Variants in SCARB1 observed in about 807,000 individuals in gnomAD.
The protein encoded by SCARB1 is scavenger receptor class B member 1, also known as CD36 and LIMPII analogous 1.
A neutral mutation model predicts 57.2 loss-of-function variants in SCARB1; 30 were observed. The ratio of observed to expected loss-of-function variants is 0.52; its 90% CI spans 0.39 to 0.71. The LOEUF (loss-of-function observed/expected upper bound fraction) is 0.71, where lower values mean the gene tolerates loss of function less well. Ranked by LOEUF, SCARB1 falls within the 30% of genes least tolerant of loss-of-function variation. The pLI, the probability that SCARB1 is intolerant of heterozygous loss-of-function variation, is 0.00. For missense variants in SCARB1, 543 were observed against 671.2 expected (o/e 0.81, Z 2.11); for synonymous variants, 249 against 268.3 (o/e 0.93, Z 0.70).
In SCARB1 at chr12:124,803,736, T is replaced by G. The variant is rs1950224979; in HGVS notation, c.1010-3494A>C. The stretch of plus-strand genomic sequence containing the variant: ...AAAAATTGAAATAAGATAAAATAAA[T>G]TAGCCAGGTATGGTGGTGTGTACCT... On this transcript the variant is annotated intron_variant, in intron 7 of 12. Coordinates refer to ENST00000261693, the MANE Select transcript of SCARB1 (RefSeq NM_005505.5). Among the ~76,000 whole-genome samples the G allele has an allele frequency of 2.2e-5, 3 of 136,724 alleles. No individual in the cohort carries two copies. In the South Asian group the frequency reaches 7.2e-4, roughly 33 times the overall value. The allele number at this position is 136,724 out of a possible 152,430, so 89.7% of individuals were successfully genotyped here.
At position 124,863,451 on chromosome 12, in the gene SCARB1, G is replaced by A. The variant is rs138913661; in HGVS notation, c.126+144C>T. The A allele has an allele frequency of 2.2e-3, 1,695 of 770,176 alleles. 3 individuals are homozygous for A. The highest frequency in any genetic ancestry group is 2.8e-3 in the Non-Finnish European group (1,415 of 505,720). The allele number at this position is 770,176 out of a possible 1,614,324, so 47.7% of individuals were successfully genotyped here. ...GGCAGCAGCCCCTCCCGAAGCGCCT[G>A]GCCTCCCTCGTGCTCTGCGGCGCCA... On this transcript the variant is annotated intron_variant, in intron 1 of 12. Coordinates refer to ENST00000261693, the MANE Select transcript of SCARB1 (RefSeq NM_005505.5).
intron 1 of SCARB1, among the ~76,000 whole-genome samples, chr12:124,860,578 T>G (rs576591115): frequency 8.5e-5 from 13 of 152,370 alleles, no homozygotes; most frequent in African/African-American, 3.1e-4. Flanking sequence ...CCATACCTTG[T>G]GGGTGGATGC....
Position 124,807,982 on chromosome 12 carries a change from G to C in SCARB1, c.843-55C>G. On this transcript the variant is annotated intron_variant, in intron 6 of 12. Coordinates refer to ENST00000261693, the MANE Select transcript of SCARB1 (RefSeq NM_005505.5). The surrounding 1 kb of genome is among the most constrained non-coding windows in gnomAD (Gnocchi z 5.3). ...CACCCAGACCCGGCGGCCAGAGCCAGGCCCTGCCAAAGGCTGCCCAGATCC... is the reference window on the plus strand; with the variant it reads ...CACCCAGACCCGGCGGCCAGAGCCACGCCCTGCCAAAGGCTGCCCAGATCC... 1.3e-6 allele frequency: 2 copies of C among 1,583,330 alleles called. No individual in the cohort carries two copies. The highest frequency in any genetic ancestry group is 3.3e-5 in the Admixed American group (2 of 59,836).
chr12:124,820,373 A>G (rs1015070058), intron 1 of SCARB1, among the ~76,000 whole-genome samples: 1 of 152,142 alleles, frequency 6.6e-6, no homozygotes, highest in Admixed American at 6.5e-5. Flanking sequence ...GAGGGCACTG[A>G]GGAGTCCGGG....
chr12:124,856,461 A>G (rs1952633982), intron 1 of SCARB1, among the ~76,000 whole-genome samples: 1 of 152,276 alleles, frequency 6.6e-6, no homozygotes, highest in Admixed American at 6.5e-5. Context: ...TACCAGGAGC[A>G]AATAAACTAG....
intron 2 of SCARB1, among the ~76,000 whole-genome samples, chr12:124,816,126 T>G (rs897715): frequency 0.98 from 148,820 of 152,260 alleles, 72,780 homozygotes; most frequent in Non-Finnish European, 1. Flanking sequence ...CCTTTGCAGA[T>G]GTGCTCCCGA....
At chr12:124,857,739 G>A (rs930702459) in intron 1 of SCARB1, among the ~76,000 whole-genome samples, 11 of 152,218 alleles carry the variant, frequency 7.2e-5, no homozygotes, top group Non-Finnish European at 1.3e-4. Context: ...AGGAGGTGCC[G>A]TTTATTGAGA....
At chr12:124,793,465 G>A (rs928451379) in intron 9 of SCARB1, among the ~76,000 whole-genome samples, 1 of 151,600 alleles carries the variant, frequency 6.6e-6, no homozygotes, top group Non-Finnish European at 1.5e-5. Flanking sequence ...AGCCCGAGGC[G>A]GGCGGATCAC....
rs535235491 is a variant in SCARB1 at position 124,792,767 on chromosome 12, TA to T, written c.1202+2427del. Among the ~76,000 whole-genome samples the T allele has an allele frequency of 9.6e-3, 1,058 of 109,812 alleles. 25 individuals are homozygous for T. The highest frequency in any genetic ancestry group is 0.032 in the African/African-American group (964 of 30,218). 72.0% of individuals were successfully genotyped at this position (109,812 alleles called of 152,430 possible). ...AAAAAGAATGTGAATTACCTCCCAATAAGTAAAAATTGACAGAGCTCCTGTT... is the reference window on the plus strand; with the variant it reads ...AAAAAGAATGTGAATTACCTCCCAATAGTAAAAATTGACAGAGCTCCTGTT... On this transcript the variant is annotated intron_variant, in intron 9 of 12. Transcript: ENST00000261693.
chr12:124,814,201 C>T lies in SCARB1; in HGVS notation c.630+1G>A. Reference sequence around the variant, plus strand: ...TTGGCTTCTCACCAGGCCACACGTACCTCAGCAAATAATCCGAACTTGTCC... The same window carrying T: ...TTGGCTTCTCACCAGGCCACACGTATCTCAGCAAATAATCCGAACTTGTCC... On this transcript the variant is annotated splice_donor_variant, in intron 4 of 12. Coordinates refer to ENST00000261693, the MANE Select transcript of SCARB1 (RefSeq NM_005505.5). LOFTEE classifies it high-confidence loss of function. This position sits in a 1 kb window ranked among gnomAD's most constrained non-coding sequence, Gnocchi z 4.7. 6.2e-7 allele frequency: 1 copy of T among 1,614,076 alleles called. No homozygotes were observed. The highest frequency in any genetic ancestry group is 8.5e-7 in the Non-Finnish European group (1 of 1,179,948).
intron 6 of SCARB1, among the ~76,000 whole-genome samples, chr12:124,809,310 T>C (rs1012593924): frequency 6.6e-6 from 1 of 152,110 alleles, no homozygotes; most frequent in Non-Finnish European, 1.5e-5. Context: ...GTCAGCTGGG[T>C]ACAGTAGCTC....
At chr12:124,855,996 GCGATT>G (rs1421095450) in intron 1 of SCARB1, among the ~76,000 whole-genome samples, 1 of 152,246 alleles carries the variant, frequency 6.6e-6, no homozygotes, top group Non-Finnish European at 1.5e-5. Context: ...CCAGGGTAAG[GCGATT>G]CCAGGTGGCT....
At chr12:124,837,131 C>T (rs1406455378) in intron 1 of SCARB1, among the ~76,000 whole-genome samples, 7 of 152,166 alleles carry the variant, frequency 4.6e-5, no homozygotes, top group Admixed American at 1.3e-4. Context: ...ACCTGCATGA[C>T]GGGAACTCCA....
At position 124,814,550 on chromosome 12, in the gene SCARB1, G is replaced by A; in HGVS notation, c.427-145C>T. ...CCTGGAGTGGCCACGTGGGGCATCT[G>A]GGACACCAGAACCACCCTCTGCTCC... On this transcript the variant is annotated intron_variant, in intron 3 of 12. Transcript: ENST00000261693. The surrounding 1 kb of genome is among the most constrained non-coding windows in gnomAD (Gnocchi z 4.7). 1 of 815,394 alleles carries A rather than the reference G, an allele frequency of 1.2e-6. No homozygotes were observed. The highest frequency in any genetic ancestry group is 2.1e-6 in the Non-Finnish European group (1 of 483,596). 50.5% of individuals were successfully genotyped at this position (815,394 alleles called of 1,614,324 possible).
At chr12:124,811,751 C>A (rs997787429) in intron 5 of SCARB1, 119 bp downstream of exon 5, 3 of 725,638 alleles carry the variant, frequency 4.1e-6, no homozygotes, top group Admixed American at 2.0e-5. Context: ...ATCCTCCCAG[C>A]ACCCTCTTCA....
At position 124,814,275 on chromosome 12, in the gene SCARB1, G is replaced by C; in HGVS notation, c.557C>G (p.Pro186Arg). The C allele has an allele frequency of 6.2e-7, 1 of 1,614,172 alleles. No individual in the cohort carries two copies. The highest frequency in any genetic ancestry group is 8.5e-7 in the Non-Finnish European group (1 of 1,180,008). ...GTACTTGTTGATGAGATTCACAAGG[G>C]GGTCCTTGTAGCCCCACATGATCTC... ...VGEIMWGYKD[P>R]LVNLINKYFP... The change falls in exon 4 of 13, where the codon CCC (proline) becomes CGC (arginine). Residue 186 changes from proline to arginine, a missense_variant. Pro to Arg is a moderately radical substitution (Grantham distance 103). Transcript: ENST00000261693. This position sits in a 1 kb window ranked among gnomAD's most constrained non-coding sequence, Gnocchi z 4.7.
In SCARB1 at chr12:124,814,892, C is replaced by G; in HGVS notation, c.426+81G>C. On this transcript the variant is annotated intron_variant, in intron 3 of 12. Coordinates refer to ENST00000261693, the MANE Select transcript of SCARB1 (RefSeq NM_005505.5). The surrounding 1 kb of genome is among the most constrained non-coding windows in gnomAD (Gnocchi z 4.7). ...CGCTCCGACCACCTCAGGGACTGCT[C>G]TCTGCACAAGGGGCAGGCGGGAGGA... The G allele has an allele frequency of 6.3e-7, 1 of 1,586,312 alleles. No individual in the cohort carries two copies. The highest frequency in any genetic ancestry group is 8.6e-7 in the Non-Finnish European group (1 of 1,159,788).
intron 1 of SCARB1, among the ~76,000 whole-genome samples, chr12:124,826,528 C>T (rs935938310): frequency 2.0e-5 from 3 of 152,070 alleles, no homozygotes; most frequent in Non-Finnish European, 2.9e-5. Flanking sequence ...CTTGACTTCC[C>T]GATCTCCCCA....
At chr12:124,838,241 C>T (rs1201117631) in intron 1 of SCARB1, among the ~76,000 whole-genome samples, 1 of 152,226 alleles carries the variant, frequency 6.6e-6, no homozygotes, top group Non-Finnish European at 1.5e-5. Flanking sequence ...CGGATCTGGC[C>T]ATTAGGGAGA....
Sources: allele counts gnomAD v4.1 joint callset (sites outside exome capture counted in the v4.1 genomes callset), GRCh38; gene constraint gnomAD v4.1.1; non-coding constraint Gnocchi (gnomAD v3.1); transcripts MANE v1.5; gene names NCBI Gene and HGNC (gene_info 2026-07-23, HGNC 2026-07-21).